The following CSMD3 variants were observed in gnomAD, a reference collection of about 807,000 sequenced individuals.
The protein encoded by CSMD3 is CUB and sushi domain-containing protein 3.
A neutral mutation model predicts 435.2 loss-of-function variants in CSMD3; 177 were observed. The observed-to-expected ratio is 0.41, with a 90% CI of 0.36 to 0.46. The LOEUF (loss-of-function observed/expected upper bound fraction) is 0.46. CSMD3 is among the 20% of genes least tolerant of loss of function. The pLI is 0.34. For synonymous variants in CSMD3, 1,656 were observed against 1,520.5 expected, an observed-to-expected ratio of 1.09 and a Z score of -2.07; for missense variants, 4,265 against 4,504.6, an observed-to-expected ratio of 0.95 and a Z score of 1.52.
intron 38 of CSMD3, among the ~76,000 whole-genome samples, chr8:112,370,443 T>C (rs576045255): frequency 6.6e-6 from 1 of 152,328 alleles, no homozygotes; most frequent in East Asian, 1.9e-4. Flanking sequence ...ATGATTTCCA[T>C]TTCAATTAGA....
At chr8:112,550,985 G>A in intron 26 of CSMD3, 112 bp from the exon 27 acceptor site, 1 of 750,160 alleles carries the variant, frequency 1.3e-6, no homozygotes, top group Middle Eastern at 2.5e-4. Context: ...TTTGCTATGT[G>A]TTAAAAATGA....
chr8:113,259,891 C>T (rs978059904), intron 3 of CSMD3, among the ~76,000 whole-genome samples: 13 of 152,000 alleles, frequency 8.6e-5, no homozygotes, highest in African/African-American at 3.1e-4. Context: ...TTCCCATAAT[C>T]CCCATGTGTG....
chr8:112,469,136 A>T (rs1023992756), intron 32 of CSMD3, among the ~76,000 whole-genome samples: 1 of 147,150 alleles, frequency 6.8e-6, no homozygotes, highest in Non-Finnish European at 1.5e-5. Context: ...AAAATAACTT[A>T]CAGGCATTTA....
At chr8:112,348,561 A>G (rs116926211) in intron 40 of CSMD3, among the ~76,000 whole-genome samples, 21 of 152,156 alleles carry the variant, frequency 1.4e-4, no homozygotes, top group Non-Finnish European at 2.8e-4. Context: ...GTACCAGCTT[A>G]TTGTTCAAAA....
chr8:112,509,332 G>A (rs1469369346), intron 28 of CSMD3, among the ~76,000 whole-genome samples: 2 of 151,948 alleles, frequency 1.3e-5, no homozygotes, highest in African/African-American at 2.4e-5. Context: ...CAAGTGATGG[G>A]CCCACCTCAA....
chr8:112,280,577 T>C lies in CSMD3; in HGVS notation c.9508+597A>G, dbSNP rs533224823. Among the ~76,000 whole-genome samples the C allele has an allele frequency of 2.0e-3, 308 of 151,014 alleles. 1 individual carries two copies. The highest frequency in any genetic ancestry group is 7.2e-3 in the African/African-American group (298 of 41,474). On this transcript the variant is annotated intron_variant, in intron 59 of 70. Transcript: ENST00000297405. ...TGAAAATAACCATAATTTCCAATGG[T>C]TGTGTATTATTGTTGGTTAAATACT...
At chr8:112,349,669 A>G (rs1293589077) in intron 40 of CSMD3, among the ~76,000 whole-genome samples, 2 of 152,282 alleles carry the variant, frequency 1.3e-5, no homozygotes, top group East Asian at 1.9e-4. Context: ...ATGTATATAT[A>G]TGAGGTAATT....
intron 13 of CSMD3, 151 bp downstream of exon 13, chr8:112,800,011 T>C (rs2078923729): frequency 3.1e-6 from 2 of 652,994 alleles, no homozygotes; most frequent in Non-Finnish European, 5.5e-6. Context: ...TAATTAACAT[T>C]TGTAGTTAAA....
chr8:112,824,343 T>C (rs879787370), intron 12 of CSMD3, among the ~76,000 whole-genome samples: 4 of 152,230 alleles, frequency 2.6e-5, no homozygotes, highest in African/African-American at 4.8e-5. Context: ...GATCCTGTCA[T>C]CATGACGCTA....
chr8:112,979,352 C>G (rs1434626364), intron 6 of CSMD3, among the ~76,000 whole-genome samples: 1 of 151,594 alleles, frequency 6.6e-6, no homozygotes, highest in Non-Finnish European at 1.5e-5. Flanking sequence ...CATTACCATA[C>G]AGTTATGTCA....
chr8:112,548,080 C>T (rs1297572620), intron 27 of CSMD3, among the ~76,000 whole-genome samples: 2 of 152,038 alleles, frequency 1.3e-5, no homozygotes, highest in African/African-American at 4.8e-5. Flanking sequence ...CTCTTTAATA[C>T]CACTTGTATA....
At chr8:113,329,702 CAA>C (rs3080738) in intron 1 of CSMD3, among the ~76,000 whole-genome samples, 45,857 of 151,574 alleles carry the variant, frequency 0.3, 8,009 homozygotes, top group East Asian at 0.7. Flanking sequence ...TGTTGAAAGA[CAA>C]AGTGAGAATC....
At chr8:112,238,686 A>C (rs1813828238) in intron 66 of CSMD3, among the ~76,000 whole-genome samples, 1 of 148,952 alleles carries the variant, frequency 6.7e-6, no homozygotes, top group Admixed American at 6.8e-5. Flanking sequence ...GAGTTTGTTA[A>C]GAATTTTTAA....
At chr8:113,380,138 C>T (rs1279743022) in intron 1 of CSMD3, among the ~76,000 whole-genome samples, 5 of 152,104 alleles carry the variant, frequency 3.3e-5, no homozygotes, top group South Asian at 4.1e-4. Context: ...CTATAACATC[C>T]GTGGGGTTCC....
intron 10 of CSMD3, among the ~76,000 whole-genome samples, chr8:112,870,937 A>G (rs1366195175): frequency 1.3e-5 from 2 of 152,196 alleles, no homozygotes; most frequent in Admixed American, 6.5e-5. Flanking sequence ...GAATTGTTTT[A>G]CTTACATATT....
chr8:113,216,549 G>GA (rs1187001546), intron 3 of CSMD3, among the ~76,000 whole-genome samples: 1 of 151,836 alleles, frequency 6.6e-6, no homozygotes, highest in African/African-American at 2.4e-5. Flanking sequence ...TGTTAAATAT[G>GA]AAAAGGTAAA....
At chr8:112,932,488 C>T (rs896936999) in intron 9 of CSMD3, among the ~76,000 whole-genome samples, 4 of 152,092 alleles carry the variant, frequency 2.6e-5, no homozygotes, top group African/African-American at 7.2e-5. Flanking sequence ...CCTCATGATC[C>T]GCCTGCCTTG....
intron 5 of CSMD3, among the ~76,000 whole-genome samples, chr8:113,063,321 C>T (rs1260400097): frequency 6.6e-6 from 1 of 151,764 alleles, no homozygotes; most frequent in Middle Eastern, 3.2e-3. Context: ...CTAATATTGT[C>T]ATTGCTGTGT....
At chr8:112,306,898 G>T (rs1159645427) in intron 50 of CSMD3, among the ~76,000 whole-genome samples, 1 of 151,946 alleles carries the variant, frequency 6.6e-6, no homozygotes, top group Non-Finnish European at 1.5e-5. Context: ...TGATAATAAT[G>T]TAAAATGTTA....
Sources: gnomAD v4.1 joint callset for allele counts (sites outside exome capture counted in the v4.1 genomes callset) on GRCh38, gnomAD v4.1.1 for gene constraint, MANE v1.5 for transcripts, NCBI Gene and HGNC (gene_info 2026-07-23, HGNC 2026-07-21) for gene names.